The following DAGLA variants were observed in gnomAD, a reference collection of about 807,000 sequenced individuals.
The protein encoded by DAGLA is diacylglycerol lipase-alpha.
Under a neutral mutation model 102.6 loss-of-function variants are expected in DAGLA, and 22 were observed. That is an observed-to-expected ratio of 0.21 (90% CI 0.15 to 0.31). DAGLA has a LOEUF of 0.31. Ranked by LOEUF, DAGLA falls within the 10% of genes least tolerant of loss-of-function variation. DAGLA has a pLI of 1.00. For synonymous variants in DAGLA, 578 were observed against 628.9 expected, an observed-to-expected ratio of 0.92 and a Z score of 1.21; for missense variants, 927 against 1,446.6, an observed-to-expected ratio of 0.64 and a Z score of 5.83.
chr11:61,694,024 C>T (rs548772696), intron 1 of DAGLA, among the ~76,000 whole-genome samples: 2 of 152,360 alleles, frequency 1.3e-5, no homozygotes, highest in South Asian at 4.1e-4. Flanking sequence ...ATTCCAGAGT[C>T]TAGGCACATA....
At chr11:61,691,474 G>A (rs1591024395) in intron 1 of DAGLA, among the ~76,000 whole-genome samples, 1 of 152,192 alleles carries the variant, frequency 6.6e-6, no homozygotes, top group African/African-American at 2.4e-5. Flanking sequence ...TGGTTCTTCC[G>A]CCCGAGTTCC....
chr11:61,744,883 GC>G lies in DAGLA; in HGVS notation c.*400del, dbSNP rs1277181042. 2.4e-5 allele frequency: 5 copies of G among 204,978 alleles called. No homozygotes were observed. The highest frequency in any genetic ancestry group is 5.0e-5 in the Non-Finnish European group (5 of 100,892). 12.7% of individuals were successfully genotyped at this position (204,978 alleles called of 1,614,324 possible). On this transcript the variant is annotated 3_prime_UTR_variant, in exon 20 of 20. Transcript: ENST00000257215. ...TCCCAGGGGCCAGGTGGAGAGCAGT[GC>G]CCCCCGACACATGTATTCTCATCTG... is the stretch of plus-strand genomic sequence containing the variant.
chr11:61,698,601 C>A (rs1449277128), intron 1 of DAGLA, among the ~76,000 whole-genome samples: 1 of 152,222 alleles, frequency 6.6e-6, no homozygotes, highest in Admixed American at 6.5e-5. Flanking sequence ...GAAGCTCACT[C>A]TTACCCTGCT....
rs1227926444 is a variant in DAGLA, at chr11:61,686,302, G to A, written c.-45+5798G>A. On this transcript the variant is annotated intron_variant, in intron 1 of 19. Transcript: ENST00000257215. The surrounding 1 kb of genome is among the most constrained non-coding windows in gnomAD (Gnocchi z 5.2). ...GTGTTGCCCACACTTGACTTTCAGCGGGTCTGACTCCCGTCAGTGCTGGGC... is the reference window on the plus strand; with the variant it reads ...GTGTTGCCCACACTTGACTTTCAGCAGGTCTGACTCCCGTCAGTGCTGGGC... Among the ~76,000 whole-genome samples the A allele has an allele frequency of 6.6e-6, 1 of 152,140 alleles. No individual in the cohort carries two copies. Among genetic ancestry groups the A allele is most frequent in the Admixed American group, 6.5e-5 (1 of 15,278 alleles).
At chr11:61,732,176 C>T (rs1565261404) in intron 9 of DAGLA, among the ~76,000 whole-genome samples, 3 of 152,172 alleles carry the variant, frequency 2.0e-5, no homozygotes, top group African/African-American at 7.2e-5. Context: ...GAGGACAGTT[C>T]CCTGGGCTCC....
intron 6 of DAGLA, 149 bp from the exon 7 acceptor site, chr11:61,728,004 C>T (rs935590977): frequency 8.2e-6 from 7 of 857,850 alleles, no homozygotes; most frequent in East Asian, 2.6e-5. Flanking sequence ...GCTCAGTGGG[C>T]GCTGTGGAGG....
chr11:61,699,494 C>T (rs114635080), intron 1 of DAGLA, among the ~76,000 whole-genome samples: 122 of 152,352 alleles, frequency 8.0e-4, no homozygotes, highest in African/African-American at 2.9e-3. Context: ...TGGGCCTCAT[C>T]CCATTTAACC....
chr11:61,741,376 C>G, intron 19 of DAGLA, 27 bp downstream of exon 19: 1 of 1,593,454 alleles, frequency 6.3e-7, no homozygotes, highest in Non-Finnish European at 8.5e-7. Context: ...CCCAGCCCCA[C>G]CCCAGGGTGA....
chr11:61,730,630 C>T (rs1050415634), intron 8 of DAGLA, among the ~76,000 whole-genome samples: 2 of 152,232 alleles, frequency 1.3e-5, no homozygotes, highest in Non-Finnish European at 2.9e-5. Flanking sequence ...CCTCCCTCCA[C>T]CCCAGCAGCC....
chr11:61,729,313 T>C (rs2065355973), intron 8 of DAGLA, among the ~76,000 whole-genome samples: 2 of 152,388 alleles, frequency 1.3e-5, no homozygotes, highest in South Asian at 4.1e-4. Context: ...TTGCTGCTGC[T>C]GCTGCTGTTA....
At chr11:61,715,812 G>A (rs539465260) in intron 1 of DAGLA, among the ~76,000 whole-genome samples, 3 of 152,246 alleles carry the variant, frequency 2.0e-5, no homozygotes, top group Non-Finnish European at 4.4e-5. Context: ...TCCTTGGGGT[G>A]TGCAGGACCT....
Position 61,729,021 on chromosome 11 carries a change from T to C in DAGLA, c.849+13T>C, listed in dbSNP as rs1369414127. 2.5e-6 allele frequency: 4 copies of C among 1,611,222 alleles called. No homozygotes were observed. The highest frequency in any genetic ancestry group is 1.7e-5 in the Admixed American group (1 of 59,996). The stretch of plus-strand genomic sequence containing the variant: ...CCTCAAGAATTCAGTGAGTCAGACA[T>C]CAACTCTCACCCCACCCCGTCCCCA... On this transcript the variant is annotated intron_variant, in intron 8 of 19. Coordinates refer to ENST00000257215, the MANE Select transcript of DAGLA (RefSeq NM_006133.3).
At chr11:61,702,278 G>C (rs137985847) in intron 1 of DAGLA, among the ~76,000 whole-genome samples, 142 of 152,094 alleles carry the variant, frequency 9.3e-4, no homozygotes, top group Middle Eastern at 3.4e-3. Flanking sequence ...GTTAGGTTTC[G>C]AACTTAGTTC....
Position 61,740,481 on chromosome 11 carries a change from G to A in DAGLA, c.1872G>A (p.Glu624=). 2 of 1,613,756 alleles carry A rather than the reference G, an allele frequency of 1.2e-6. No homozygotes were observed. The highest frequency in any genetic ancestry group is 1.7e-6 in the Non-Finnish European group (2 of 1,179,950). ...CTCTCAGCTGCTGTGAGCAGGAGGA[G>A]CCCACATACTTTGCCATCTGGGGCG... The part of the protein sequence containing the change: ...AEQCCCCEQE[E]PTYFAIWGDN... Residue 624 remains glutamate (E), a synonymous_variant, in exon 18 of 20, where the codon GAG becomes GAA. Transcript: ENST00000257215.
chr11:61,708,050 C>T (rs1014603277), intron 1 of DAGLA, among the ~76,000 whole-genome samples: 15 of 151,948 alleles, frequency 9.9e-5, no homozygotes, highest in Non-Finnish European at 2.1e-4. Flanking sequence ...CTCTATTGCC[C>T]AGGCTGGAGT....
chr11:61,689,982 T>C (rs1289298675), intron 1 of DAGLA, among the ~76,000 whole-genome samples: 2 of 152,154 alleles, frequency 1.3e-5, no homozygotes, highest in Non-Finnish European at 2.9e-5. Flanking sequence ...CAGAATTCCA[T>C]GCCATCCTCT....
At chr11:61,707,876 G>T (rs747045275) in intron 1 of DAGLA, among the ~76,000 whole-genome samples, 3 of 152,210 alleles carry the variant, frequency 2.0e-5, no homozygotes, top group Non-Finnish European at 4.4e-5. Flanking sequence ...GGCTGGGCAG[G>T]GCGGGGTAGG....
chr11:61,723,110 C>A, intron 4 of DAGLA, 150 bp downstream of exon 4: 1 of 722,296 alleles, frequency 1.4e-6, no homozygotes. Context: ...CTGCTTCCCT[C>A]ACCCTTGAGG....
At chr11:61,720,306 G>A (rs1290827562) in intron 2 of DAGLA, 56 bp downstream of exon 2, 3 of 1,539,754 alleles carry the variant, frequency 1.9e-6, no homozygotes, top group Non-Finnish European at 2.7e-6. Context: ...GGTCTGGAAG[G>A]ACGCTTTCTG....
Sources: allele counts gnomAD v4.1 joint callset (sites outside exome capture counted in the v4.1 genomes callset), GRCh38; gene constraint gnomAD v4.1.1; non-coding constraint Gnocchi (gnomAD v3.1); transcripts MANE v1.5; gene names NCBI Gene and HGNC (gene_info 2026-07-23, HGNC 2026-07-21).